P3H2: variants seen among roughly 807,000 people sequenced by gnomAD.
The protein encoded by P3H2 is leprecan-like 1.
Under a neutral mutation model 87.0 loss-of-function variants are expected in P3H2, and 80 were observed. The ratio of observed to expected loss-of-function variants is 0.92; its 90% confidence interval spans 0.77 to 1.11. The LOEUF (loss-of-function observed/expected upper bound fraction) is 1.11. Among genes scored for constraint, P3H2 ranks in the 50% least tolerant of loss-of-function variants. P3H2 has a pLI of 0.00. For missense variants in P3H2, 1,001 were observed against 923.9 expected (o/e 1.08, Z -1.08); for synonymous variants, 367 against 359.3 (o/e 1.02, Z -0.24).
intron 13 of P3H2, among the ~76,000 whole-genome samples, chr3:189,965,724 G>C (rs56309737): frequency 1.3e-5 from 2 of 152,096 alleles, no homozygotes; most frequent in Non-Finnish European, 2.9e-5. Flanking sequence ...GGTGGCTCAC[G>C]CCTATAATCC....
intron 13 of P3H2, among the ~76,000 whole-genome samples, chr3:189,968,128 T>G (rs1355761974): frequency 6.6e-6 from 1 of 152,198 alleles, no homozygotes; most frequent in Non-Finnish European, 1.5e-5. Context: ...TTATTATTAT[T>G]ATACTTTTAA....
chr3:190,080,108 T>A lies in P3H2; in HGVS notation c.480+40144A>T, dbSNP rs150734332. 4.4e-4 allele frequency among the ~76,000 whole-genome samples: 67 copies of A among 152,284 alleles called. 1 individual carries two copies. In the East Asian group the frequency reaches 8.1e-3, roughly 18 times the overall value. On this transcript the variant is annotated intron_variant, in intron 1 of 14. Coordinates refer to ENST00000319332, the MANE Select transcript of P3H2 (RefSeq NM_018192.4). ...CATAAATGGGTAAGGAAAGTAACCG[T>A]AGAATCTTGAAAATCAGTTCAGAGG...
intron 6 of P3H2, among the ~76,000 whole-genome samples, chr3:189,985,018 G>C (rs1337810461): frequency 6.6e-6 from 1 of 151,688 alleles, no homozygotes; most frequent in Non-Finnish European, 1.5e-5. Flanking sequence ...AAGGTCTCTT[G>C]GATAACATAA....
intron 1 of P3H2, among the ~76,000 whole-genome samples, chr3:190,041,859 AT>A (rs1560375570): frequency 1.3e-5 from 2 of 152,258 alleles, no homozygotes; most frequent in African/African-American, 4.8e-5. Context: ...CTTAAAAAAA[AT>A]TTTAACATAC....
upstream of P3H2, chr3:190,121,393 C>G (rs1181355438): frequency 1.3e-5 from 2 of 151,882 alleles, no homozygotes; most frequent in African/African-American, 2.4e-5. Flanking sequence ...CATAGAGGCC[C>G]TGTAGGCCCA....
intron 1 of P3H2, among the ~76,000 whole-genome samples, chr3:190,091,040 C>A (rs899617996): frequency 6.6e-6 from 1 of 152,168 alleles, no homozygotes; most frequent in African/African-American, 2.4e-5. Context: ...CCTGCCAACA[C>A]AGGTATTCAG....
At chr3:190,044,617 T>C (rs1253782196) in intron 1 of P3H2, among the ~76,000 whole-genome samples, 3 of 152,170 alleles carry the variant, frequency 2.0e-5, no homozygotes, top group African/African-American at 7.2e-5. Context: ...CACTAACAAC[T>C]TCCAAAAATA....
At chr3:190,109,548 G>A (rs1711985315) in intron 1 of P3H2, among the ~76,000 whole-genome samples, 1 of 152,196 alleles carries the variant, frequency 6.6e-6, no homozygotes, top group Non-Finnish European at 1.5e-5. Flanking sequence ...AGATGTGTTA[G>A]TTTGTATTGT....
chr3:190,115,173 C>T (rs1166204685), intron 1 of P3H2, among the ~76,000 whole-genome samples: 1 of 152,034 alleles, frequency 6.6e-6, no homozygotes, highest in Non-Finnish European at 1.5e-5. Flanking sequence ...TCCTTTTAAT[C>T]CTAATCAAAT....
Position 189,957,627 on chromosome 3 carries a change from G to C in P3H2, c.*285C>G. The stretch of plus-strand genomic sequence containing the variant: ...CTGAGCCTAAGAGTTTGAGGCTCCA[G>C]TGTGCTATCATCACATCTGTGAATA... On this transcript the variant is annotated 3_prime_UTR_variant, in exon 15 of 15. Transcript: ENST00000319332. 1 of 471,316 alleles carries C rather than the reference G, an allele frequency of 2.1e-6. No homozygotes were observed. The highest frequency in any genetic ancestry group is 2.5e-5 in the South Asian group (1 of 40,244). The allele number at this position is 471,316 out of a possible 1,614,324, so 29.2% of individuals were successfully genotyped here. A position where few individuals can be genotyped will look rare whatever the true frequency, so the allele number is the denominator to read the frequency against.
At chr3:189,995,501 AAATACAAAGATC>A in intron 1 of P3H2, 59 bp from the exon 2 acceptor site, 1 of 1,560,336 alleles carries the variant, frequency 6.4e-7, no homozygotes, top group African/African-American at 1.4e-5. Context: ...ACACTCAGAG[AAATACAAAGATC>A]AATCCAAAAT....
intron 1 of P3H2, among the ~76,000 whole-genome samples, chr3:190,027,740 T>C (rs1375572303): frequency 6.6e-6 from 1 of 151,990 alleles, no homozygotes; most frequent in East Asian, 1.9e-4. Context: ...TCATAAAATA[T>C]TATTTTCTAT....
At position 190,008,650 on chromosome 3, in the gene P3H2, A is replaced by G. The variant is rs187173762; in HGVS notation, c.481-13208T>C. Among the ~76,000 whole-genome samples, 342 of 152,300 alleles carry G rather than the reference A, an allele frequency of 2.2e-3. 1 individual carries two copies. Among genetic ancestry groups the G allele is most frequent in the Middle Eastern group, 0.014 (4 of 294 alleles). On this transcript the variant is annotated intron_variant, in intron 1 of 14. Transcript: ENST00000319332. ...TGCATGTTTGGTCTGTGCTAAGAAA[A>G]GACTGCCACTATGCACTTCCACATA...
chr3:190,026,698 ATAAAC>A (rs1224887635), intron 1 of P3H2, among the ~76,000 whole-genome samples: 1 of 152,224 alleles, frequency 6.6e-6, no homozygotes, highest in African/African-American at 2.4e-5. Context: ...TACTTTCCTA[ATAAAC>A]TTGCTTTCAC....
chr3:189,965,946 A>C (rs1445496050), intron 13 of P3H2, among the ~76,000 whole-genome samples: 1 of 149,762 alleles, frequency 6.7e-6, no homozygotes, highest in Non-Finnish European at 1.5e-5. Context: ...AGATCGTGCT[A>C]CTGCACTCCA....
intron 1 of P3H2, among the ~76,000 whole-genome samples, chr3:190,048,321 C>G (rs1243612142): frequency 6.6e-6 from 1 of 151,992 alleles, no homozygotes; most frequent in African/African-American, 2.4e-5. Context: ...CATGGTGAAA[C>G]CCCATCTCTA....
intron 1 of P3H2, among the ~76,000 whole-genome samples, chr3:190,030,375 G>A (rs1217291251): frequency 6.6e-6 from 1 of 152,150 alleles, no homozygotes; most frequent in Non-Finnish European, 1.5e-5. Flanking sequence ...AGTTCAAGAT[G>A]AGCCTGGGCA....
intron 1 of P3H2, among the ~76,000 whole-genome samples, chr3:190,012,961 T>C (rs1724640218): frequency 6.6e-6 from 1 of 152,152 alleles, no homozygotes; most frequent in Non-Finnish European, 1.5e-5. Context: ...GTGCCTCCGA[T>C]TGATCGTTGT....
At chr3:189,973,316 AAT>A in intron 10 of P3H2, 1 of 332,792 alleles carries the variant, frequency 3.0e-6, no homozygotes, top group Admixed American at 4.3e-5. Flanking sequence ...TACTTGTTTG[AAT>A]ATGTTTTCAC....
Sources: gnomAD v4.1 joint callset for allele counts (sites outside exome capture counted in the v4.1 genomes callset) on GRCh38, gnomAD v4.1.1 for gene constraint, MANE v1.5 for transcripts, NCBI Gene and HGNC (gene_info 2026-07-23, HGNC 2026-07-21) for gene names.